CDYL: variants seen among roughly 807,000 people sequenced by gnomAD.
CDYL encodes chromodomain Y like, also known as chromodomain Y-like protein.
In CDYL, 8 loss-of-function variants were observed where a neutral mutation model predicts 47.3. That is an observed-to-expected ratio of 0.17 (90% CI 0.10 to 0.31). The LOEUF is 0.31. Among genes scored for constraint, CDYL ranks in the 10% least tolerant of loss-of-function variants. The pLI is 1.00. For missense variants in CDYL, 471 were observed against 701.4 expected (o/e 0.67, Z 3.71); for synonymous variants, 266 against 265.0 (o/e 1.00, Z -0.04).
chr6:4,728,443 C>T (rs765775388), intron 2 of CDYL, among the ~76,000 whole-genome samples: 10 of 152,328 alleles, frequency 6.6e-5, no homozygotes, highest in South Asian at 6.2e-4. Context: ...CTTCCTCTTC[C>T]GTCCCGCTTG....
At chr6:4,836,736 G>C (rs1393071354) in intron 1 of CDYL, among the ~76,000 whole-genome samples, 1 of 152,234 alleles carries the variant, frequency 6.6e-6, no homozygotes, top group African/African-American at 2.4e-5. Context: ...TCAGGCCTTG[G>C]TATGCTGGTC....
rs559040512 is a variant in CDYL, at chr6:4,710,596, C to T, written c.-39+4345C>T. On this transcript the variant is annotated intron_variant, in intron 1 of 8. Transcript: ENST00000328908. ...GGGAGGAACCCAGTGGCTTTTAGGG[C>T]CTCGTTTCACAGGCCCATCCAATCT... Among the ~76,000 whole-genome samples, 84 of 152,160 alleles carry T rather than the reference C, an allele frequency of 5.5e-4. 1 individual carries two copies. Among genetic ancestry groups the T allele is most frequent in the Admixed American group, 2.7e-3 (42 of 15,276 alleles).
chr6:4,891,164 T>C (rs1450974363), intron 1 of CDYL, among the ~76,000 whole-genome samples: 3 of 152,274 alleles, frequency 2.0e-5, no homozygotes, highest in African/African-American at 7.2e-5. Flanking sequence ...CTAGACTGTT[T>C]TATTACAATC....
intron 3 of CDYL, among the ~76,000 whole-genome samples, chr6:4,736,763 C>T (rs1031656264): frequency 3.3e-5 from 5 of 151,728 alleles, no homozygotes; most frequent in African/African-American, 4.8e-5. Context: ...AGTAAGTGCA[C>T]ATGAAACATT....
At chr6:4,809,064 A>C (rs927295807) in intron 1 of CDYL, among the ~76,000 whole-genome samples, 1 of 151,930 alleles carries the variant, frequency 6.6e-6, no homozygotes, top group Non-Finnish European at 1.5e-5. Context: ...CTCCTTTTCT[A>C]CCCACCCTCT....
At chr6:4,951,131 C>T (rs1387489673) in intron 5 of CDYL, among the ~76,000 whole-genome samples, 1 of 152,116 alleles carries the variant, frequency 6.6e-6, no homozygotes, top group East Asian at 1.9e-4. Flanking sequence ...GGCAGTCTTA[C>T]ACTGTCTCAG....
At chr6:4,792,127 C>G (rs1013884911) in intron 1 of CDYL, among the ~76,000 whole-genome samples, 1 of 150,836 alleles carries the variant, frequency 6.6e-6, no homozygotes, top group African/African-American at 2.4e-5. Context: ...CTCCTGACCT[C>G]GTGATCCACC....
Position 4,764,542 on chromosome 6 carries a change from C to T in CDYL, c.186+29698C>T, listed in dbSNP as rs1304508647. On this transcript the variant is annotated intron_variant, in intron 3 of 8. Transcript: ENST00000328908. ...TGACCTCATGATCTGTCCACCTCAG[C>T]CTCCCAAAGTGCTGGGATTACAGGC... Among the ~76,000 whole-genome samples, 8 of 152,172 alleles carry T rather than the reference C, an allele frequency of 5.3e-5. 2 individuals carry two copies. Among genetic ancestry groups the T allele is most frequent in the Admixed American group, 3.9e-4 (6 of 15,278 alleles).
At chr6:4,792,917 T>C (rs948976128) in intron 1 of CDYL, among the ~76,000 whole-genome samples, 5 of 152,194 alleles carry the variant, frequency 3.3e-5, no homozygotes, top group Non-Finnish European at 7.3e-5. Context: ...CCATAGGCAC[T>C]GTTTAGTAAA....
intron 1 of CDYL, among the ~76,000 whole-genome samples, chr6:4,862,787 T>A (rs1761209200): frequency 6.6e-6 from 1 of 152,194 alleles, no homozygotes; most frequent in African/African-American, 2.4e-5. Flanking sequence ...GTTAAGAATA[T>A]CTCTTCCCTT....
chr6:4,819,512 G>A (rs1360628469), intron 1 of CDYL, among the ~76,000 whole-genome samples: 1 of 152,102 alleles, frequency 6.6e-6, no homozygotes, highest in Admixed American at 6.5e-5. Flanking sequence ...GGAACTTGCT[G>A]TTTTTGGGGT....
At chr6:4,904,293 C>G (rs1427662861) in intron 2 of CDYL, among the ~76,000 whole-genome samples, 1 of 152,250 alleles carries the variant, frequency 6.6e-6, no homozygotes, top group African/African-American at 2.4e-5. Context: ...AAAGTAATTA[C>G]CCCGATATAG....
At chr6:4,708,621 T>C (rs1348097585) in intron 1 of CDYL, among the ~76,000 whole-genome samples, 1 of 152,218 alleles carries the variant, frequency 6.6e-6, no homozygotes, top group Non-Finnish European at 1.5e-5. Context: ...TACTGTTCCT[T>C]AAACATTTTT....
chr6:4,722,812 G>C (rs545646908), intron 2 of CDYL, among the ~76,000 whole-genome samples: 1 of 152,312 alleles, frequency 6.6e-6, no homozygotes, highest in African/African-American at 2.4e-5. Flanking sequence ...AGGGGGCAGA[G>C]GTTGCAATGA....
At chr6:4,715,628 C>T in intron 1 of CDYL, 2 of 1,018,930 alleles carry the variant, frequency 2.0e-6, no homozygotes, top group East Asian at 2.7e-5. Flanking sequence ...GCACAAAATG[C>T]TGGCTCACTC....
chr6:4,918,058 A>G (rs1265519423), intron 2 of CDYL, among the ~76,000 whole-genome samples: 1 of 152,234 alleles, frequency 6.6e-6, no homozygotes, highest in East Asian at 1.9e-4. Flanking sequence ...TGTTAATGAA[A>G]TAGAGAAATT....
chr6:4,869,160 A>G (rs534248831), intron 1 of CDYL, among the ~76,000 whole-genome samples: 21 of 151,922 alleles, frequency 1.4e-4, no homozygotes, highest in African/African-American at 4.3e-4. Flanking sequence ...CAGTGGTGCA[A>G]TCTTGGCTCA....
intron 1 of CDYL, among the ~76,000 whole-genome samples, chr6:4,799,976 A>G (rs984193382): frequency 2.0e-5 from 3 of 152,160 alleles, no homozygotes; most frequent in Admixed American, 6.5e-5. Flanking sequence ...TTTGTTTTAC[A>G]TTAATGTATC....
At chr6:4,781,974 G>A (rs80159217) in intron 1 of CDYL, among the ~76,000 whole-genome samples, 9,429 of 150,384 alleles carry the variant, frequency 0.063, 325 homozygotes, top group Middle Eastern at 0.088. Context: ...CTTATGTTCC[G>A]AGAAGCTTCT....
Sources: gnomAD v4.1 joint callset for allele counts (sites outside exome capture counted in the v4.1 genomes callset) on GRCh38, gnomAD v4.1.1 for gene constraint, MANE v1.5 for transcripts, NCBI Gene and HGNC (gene_info 2026-07-23, HGNC 2026-07-21) for gene names.